Variants in DYM observed in about 807,000 individuals in gnomAD.
The protein encoded by DYM is dymeclin.
In DYM, 78 loss-of-function variants were observed where a neutral mutation model predicts 93.1. The observed-to-expected ratio is 0.84, with a 90% CI of 0.70 to 1.01. DYM has a LOEUF of 1.01. Ranked by LOEUF, DYM falls within the 50% of genes least tolerant of loss-of-function variation. DYM has a pLI of 0.00. For missense variants in DYM, 789 were observed against 845.0 expected (o/e 0.93, Z 0.82); for synonymous variants, 321 against 319.7 (o/e 1.00, Z -0.04).
chr18:49,240,368 T>G (rs1479036976), intron 13 of DYM, among the ~76,000 whole-genome samples: 3 of 152,132 alleles, frequency 2.0e-5, no homozygotes, highest in Admixed American at 6.5e-5. Context: ...TGAGAAAATA[T>G]TAAATATTTA....
chr18:49,160,561 C>G (rs76704169), intron 15 of DYM, among the ~76,000 whole-genome samples: 1,487 of 130,124 alleles, frequency 0.011, 41 homozygotes, highest in South Asian at 0.088. Context: ...AAGTACACGT[C>G]GTGAGACTCT....
chr18:49,078,846 T>G (rs1642204466), intron 17 of DYM, among the ~76,000 whole-genome samples: 1 of 152,268 alleles, frequency 6.6e-6, no homozygotes, highest in Admixed American at 6.5e-5. Context: ...TGAGTTTCCA[T>G]CCGGCATCAT....
rs550461332 is a variant in DYM at position 49,453,201 on chromosome 18, G to A, written c.-54+7197C>T. Reference sequence around the variant, plus strand: ...TATCTAGCTAATCTAGGGGGGACTTGGAGAACTTTTGTGTCGAGCTCAGGG... The same window carrying A: ...TATCTAGCTAATCTAGGGGGGACTTAGAGAACTTTTGTGTCGAGCTCAGGG... On this transcript the variant is annotated intron_variant, in intron 1 of 17. Coordinates refer to ENST00000675505, the MANE Select transcript of DYM (RefSeq NM_001353214.3). Among the ~76,000 whole-genome samples the A allele has an allele frequency of 5.1e-5, 4 of 77,854 alleles. 1 individual carries two copies. The highest frequency in any genetic ancestry group is 8.6e-4 in the South Asian group (2 of 2,332). The allele number at this position is 77,854 out of a possible 152,430, so 51.1% of individuals were successfully genotyped here.
At chr18:49,187,936 C>T (rs1159888679) in intron 14 of DYM, among the ~76,000 whole-genome samples, 4 of 152,088 alleles carry the variant, frequency 2.6e-5, no homozygotes, top group African/African-American at 7.2e-5. Flanking sequence ...AACTTCCACA[C>T]GTTATAAATC....
chr18:49,243,880 T>C (rs146373065), intron 13 of DYM, among the ~76,000 whole-genome samples: 7 of 152,292 alleles, frequency 4.6e-5, no homozygotes, highest in African/African-American at 1.7e-4. Context: ...CAGAGTTGTA[T>C]ATACTTCTGA....
chr18:49,184,511 C>T (rs1231426769), intron 14 of DYM, among the ~76,000 whole-genome samples: 2 of 152,148 alleles, frequency 1.3e-5, no homozygotes, highest in Admixed American at 1.3e-4. Flanking sequence ...CCCCCCTTAT[C>T]CACGGGGGAT....
chr18:49,271,780 A>AAT (rs2145522193), intron 11 of DYM, among the ~76,000 whole-genome samples: 1 of 152,114 alleles, frequency 6.6e-6, no homozygotes, highest in East Asian at 1.9e-4. Flanking sequence ...GTTCTTTAAA[A>AAT]ATATATATAT....
At chr18:49,419,358 CAA>C (rs903991347) in intron 2 of DYM, among the ~76,000 whole-genome samples, 3 of 149,530 alleles carry the variant, frequency 2.0e-5, no homozygotes, top group Non-Finnish European at 4.4e-5. Flanking sequence ...GACTCTGTCT[CAA>C]AAATTAAAAA....
chr18:49,134,352 T>C (rs901529244), intron 15 of DYM, among the ~76,000 whole-genome samples: 1 of 152,200 alleles, frequency 6.6e-6, no homozygotes, highest in Admixed American at 6.5e-5. Context: ...TCAAACAGCA[T>C]TAAATATCAC....
chr18:49,152,434 T>G, intron 15 of DYM, among the ~76,000 whole-genome samples: 1 of 152,190 alleles, frequency 6.6e-6, no homozygotes, highest in East Asian at 1.9e-4. Flanking sequence ...TTGGTTGTCT[T>G]ATGTCAAAGT....
At chr18:49,179,751 T>C (rs746297682) in intron 14 of DYM, among the ~76,000 whole-genome samples, 1 of 152,152 alleles carries the variant, frequency 6.6e-6, no homozygotes, top group Non-Finnish European at 1.5e-5. Context: ...ACACGAAGTA[T>C]CTACTGCTTC....
At chr18:49,402,968 A>G (rs1794657757) in intron 2 of DYM, among the ~76,000 whole-genome samples, 1 of 152,174 alleles carries the variant, frequency 6.6e-6, no homozygotes, top group South Asian at 2.1e-4. Flanking sequence ...TCATCTGTAA[A>G]ATGGAGGTAA....
At chr18:49,219,057 A>G (rs1347944327) in intron 13 of DYM, among the ~76,000 whole-genome samples, 1 of 152,248 alleles carries the variant, frequency 6.6e-6, no homozygotes, top group East Asian at 1.9e-4. Context: ...GATGCAATAA[A>G]AAATGATAAA....
intron 8 of DYM, among the ~76,000 whole-genome samples, chr18:49,299,430 C>T (rs1051525026): frequency 6.6e-6 from 1 of 152,206 alleles, no homozygotes; most frequent in Non-Finnish European, 1.5e-5. Flanking sequence ...CTTTAAGCAT[C>T]TGATAGTGTA....
At chr18:49,172,418 C>T (rs896130994) in intron 14 of DYM, among the ~76,000 whole-genome samples, 2 of 152,152 alleles carry the variant, frequency 1.3e-5, no homozygotes, top group East Asian at 1.9e-4. Context: ...ACTGCTAAAC[C>T]GTTGCACATT....
At chr18:49,236,487 A>AAAT (rs1555652862) in intron 13 of DYM, among the ~76,000 whole-genome samples, 6,641 of 149,170 alleles carry the variant, frequency 0.045, 515 homozygotes, top group African/African-American at 0.15. Context: ...CTCAAAAAAA[A>AAAT]AAATAAATAA....
chr18:49,333,605 CA>C, intron 7 of DYM, 122 bp downstream of exon 7: 1 of 1,104,620 alleles, frequency 9.1e-7, no homozygotes, highest in Non-Finnish European at 1.3e-6. Context: ...TTTAAAGAGA[CA>C]ATAGAACAAC....
chr18:49,070,632 G>A (rs543815490), intron 17 of DYM, among the ~76,000 whole-genome samples: 7 of 152,280 alleles, frequency 4.6e-5, no homozygotes, highest in Admixed American at 3.3e-4. Context: ...TAGAGAAGCC[G>A]TTTCTTTGAA....
At chr18:49,220,020 A>C (rs1322291959) in intron 13 of DYM, among the ~76,000 whole-genome samples, 1 of 151,832 alleles carries the variant, frequency 6.6e-6, no homozygotes, top group Non-Finnish European at 1.5e-5. Context: ...GTCTCAGCCC[A>C]AAATCTCCTT....
Sources: gnomAD v4.1 joint callset for allele counts (sites outside exome capture counted in the v4.1 genomes callset) on GRCh38, gnomAD v4.1.1 for gene constraint, MANE v1.5 for transcripts, NCBI Gene and HGNC (gene_info 2026-07-23, HGNC 2026-07-21) for gene names.